SEMA6A: variants seen among roughly 807,000 people sequenced by gnomAD.
SEMA6A encodes semaphorin-6A.
In SEMA6A, 25 loss-of-function variants were observed where a neutral mutation model predicts 96.8. That is an observed-to-expected ratio of 0.26 (90% CI 0.19 to 0.36). The LOEUF (loss-of-function observed/expected upper bound fraction) is 0.36, where lower values mean the gene tolerates loss of function less well. SEMA6A is among the 10% of genes least tolerant of loss of function. SEMA6A has a pLI of 1.00. For missense variants in SEMA6A, 1,363 were observed against 1,323.1 expected, an observed-to-expected ratio of 1.03 and a Z score of -0.47; for synonymous variants, 612 against 518.0, an observed-to-expected ratio of 1.18 and a Z score of -2.46.
chr5:116,462,969 G>A (rs182305380), intron 18 of SEMA6A, among the ~76,000 whole-genome samples: 87 of 151,960 alleles, frequency 5.7e-4, no homozygotes, highest in African/African-American at 2.0e-3. Flanking sequence ...ATTTCAAAGG[G>A]AAACTTGATA....
At chr5:116,467,876 C>G in intron 17 of SEMA6A, 129 bp from the exon 18 acceptor site, 1 of 717,110 alleles carries the variant, frequency 1.4e-6, no homozygotes, top group Non-Finnish European at 2.2e-6. Flanking sequence ...AGAAATGACA[C>G]GGCTTAGTGG....
At chr5:116,569,627 G>C (rs1489286200) in intron 1 of SEMA6A, among the ~76,000 whole-genome samples, 1 of 152,194 alleles carries the variant, frequency 6.6e-6, no homozygotes, top group Non-Finnish European at 1.5e-5. Flanking sequence ...CCATGGCTTG[G>C]CCAATTTGAG....
rs141932500 is a variant in SEMA6A at position 116,552,542 on chromosome 5, T to C, written c.-39+21643A>G. 3.2e-3 allele frequency among the ~76,000 whole-genome samples: 490 copies of C among 152,292 alleles called. 1 individual carries two copies. The highest frequency in any genetic ancestry group is 0.011 in the African/African-American group (441 of 41,568). On this transcript the variant is annotated intron_variant, in intron 1 of 18. Transcript: ENST00000343348. ...CTCCGGGTTCATTAAAGGGACGCTC[T>C]TCTCCATCCTTCAGCATAGCTACAC...
In SEMA6A at chr5:116,445,655, C is replaced by CTGAT. The variant is rs1235196562; in HGVS notation, c.*954_*957dup. The CTGAT allele has an allele frequency of 2.0e-5, 3 of 152,618 alleles. No homozygotes were observed. The highest frequency in any genetic ancestry group is 1.9e-4 in the East Asian group (1 of 5,186). 9.5% of individuals were successfully genotyped at this position (152,618 alleles called of 1,614,324 possible). A position where few individuals can be genotyped will look rare whatever the true frequency, so the allele number is the denominator to read the frequency against. On this transcript the variant is annotated 3_prime_UTR_variant, in exon 19 of 19. Coordinates refer to ENST00000343348, the MANE Select transcript of SEMA6A (RefSeq NM_020796.5). Reference sequence around the variant, plus strand: ...GCCAGAGACCTGACCAGGCAATGAACTGATAGATTTAAATAAATATTCCCC... The same window carrying CTGAT: ...GCCAGAGACCTGACCAGGCAATGAACTGATTGATAGATTTAAATAAATATTCCCC...
chr5:116,451,005 C>G (rs964183632), intron 18 of SEMA6A, among the ~76,000 whole-genome samples: 2 of 152,124 alleles, frequency 1.3e-5, no homozygotes, highest in African/African-American at 2.4e-5. Flanking sequence ...TTGGAAACAG[C>G]AGACTTGTCA....
chr5:116,557,965 G>A (rs1283884990), intron 1 of SEMA6A, among the ~76,000 whole-genome samples: 3 of 152,078 alleles, frequency 2.0e-5, no homozygotes, highest in Non-Finnish European at 2.9e-5. Flanking sequence ...TTGGTTTCTC[G>A]GCATTATGAT....
intron 18 of SEMA6A, among the ~76,000 whole-genome samples, chr5:116,467,240 T>G (rs1695018543): frequency 6.6e-6 from 1 of 152,016 alleles, no homozygotes; most frequent in African/African-American, 2.4e-5. Flanking sequence ...TCCATCACAT[T>G]ATGGTGGGAA....
intron 1 of SEMA6A, among the ~76,000 whole-genome samples, chr5:116,572,076 G>C (rs971991876): frequency 1.3e-5 from 2 of 152,144 alleles, no homozygotes; most frequent in African/African-American, 4.8e-5. Flanking sequence ...CAAGGCAAAG[G>C]CACTCGACCT....
chr5:116,473,228 T>G, intron 16 of SEMA6A, 135 bp from the exon 17 acceptor site: 4 of 802,478 alleles, frequency 5.0e-6, no homozygotes, highest in Non-Finnish European at 8.0e-6. Context: ...CTTTTTAATT[T>G]CTGCGTGTAA....
intron 1 of SEMA6A, chr5:116,508,155 C>A (rs1388613444): frequency 6.6e-6 from 1 of 152,176 alleles, no homozygotes; most frequent in Non-Finnish European, 1.5e-5. Context: ...AGGAAACCAG[C>A]TTTCAGGTAC....
intron 18 of SEMA6A, among the ~76,000 whole-genome samples, chr5:116,467,076 T>C (rs907719209): frequency 6.6e-6 from 1 of 152,146 alleles, no homozygotes; most frequent in Non-Finnish European, 1.5e-5. Flanking sequence ...GCAATTACAG[T>C]ACGTCTGAGG....
intron 1 of SEMA6A, among the ~76,000 whole-genome samples, chr5:116,552,626 G>A (rs150540918): frequency 2.0e-5 from 3 of 152,274 alleles, no homozygotes; most frequent in East Asian, 1.9e-4. Context: ...GACAGCCACC[G>A]TCTTGTGAGG....
At chr5:116,543,690 G>A (rs948096109) in intron 1 of SEMA6A, among the ~76,000 whole-genome samples, 1 of 152,188 alleles carries the variant, frequency 6.6e-6, no homozygotes, top group Non-Finnish European at 1.5e-5. Context: ...CACAGATTAG[G>A]TAGCAGAAAT....
intron 5 of SEMA6A, chr5:116,495,767 A>T: frequency 2.3e-6 from 1 of 425,846 alleles, no homozygotes; most frequent in Non-Finnish European, 4.2e-6. Context: ...AAGGAAGGCA[A>T]GCCTGGAAAT....
intron 1 of SEMA6A, among the ~76,000 whole-genome samples, chr5:116,543,459 T>G (rs1760059019): frequency 6.6e-6 from 1 of 152,256 alleles, no homozygotes; most frequent in African/African-American, 2.4e-5. Flanking sequence ...TTAGAATAAT[T>G]CTCACTACTC....
intron 18 of SEMA6A, among the ~76,000 whole-genome samples, chr5:116,452,602 A>G (rs1174714851): frequency 6.6e-6 from 1 of 152,200 alleles, no homozygotes; most frequent in African/African-American, 2.4e-5. Context: ...GAGGAAGCCC[A>G]ATACAATTCT....
intron 1 of SEMA6A, among the ~76,000 whole-genome samples, chr5:116,544,473 T>A (rs1330124270): frequency 1.3e-5 from 2 of 151,938 alleles, no homozygotes; most frequent in Non-Finnish European, 2.9e-5. Context: ...TGAATATTTT[T>A]TTTTTTTAGA....
chr5:116,514,027 A>G (rs1260016806), intron 1 of SEMA6A, among the ~76,000 whole-genome samples: 4 of 152,104 alleles, frequency 2.6e-5, no homozygotes, highest in African/African-American at 9.7e-5. Flanking sequence ...CTAGTCTATC[A>G]CTGATGGGCA....
intron 1 of SEMA6A, among the ~76,000 whole-genome samples, chr5:116,525,121 GTTGT>G (rs559660078): frequency 7.9e-4 from 120 of 152,310 alleles, no homozygotes; most frequent in Middle Eastern, 3.4e-3. Flanking sequence ...TGAAGTCTGG[GTTGT>G]TTAAGAAAAT....
Sources: allele counts gnomAD v4.1 joint callset (sites outside exome capture counted in the v4.1 genomes callset), GRCh38; gene constraint gnomAD v4.1.1; transcripts MANE v1.5; gene names NCBI Gene and HGNC (gene_info 2026-07-23, HGNC 2026-07-21).